The following SRRM2 variants were observed in gnomAD, a reference collection of about 807,000 sequenced individuals.
SRRM2 encodes serine/arginine repetitive matrix 2, also known as serine/arginine repetitive matrix protein 2.
In SRRM2, 30 loss-of-function variants were observed where a neutral mutation model predicts 213.8. The observed-to-expected ratio is 0.14, with a 90% CI of 0.10 to 0.19. The LOEUF is 0.19. SRRM2 is among the 10% of genes least tolerant of loss of function. The pLI is 1.00. For missense variants in SRRM2, 4,904 were observed against 3,647.0 expected (o/e 1.34, Z -8.88); for synonymous variants, 2,025 against 1,377.7 (o/e 1.47, Z -10.40).
rs749262477 is a variant in SRRM2, at chr16:2,767,746, G to T, written c.7218G>T (p.Arg2406Ser). The T allele has an allele frequency of 1.9e-6, 3 of 1,612,836 alleles. No homozygotes were observed. Among genetic ancestry groups the T allele is most frequent in the East Asian group, 4.5e-5 (2 of 44,858 alleles). Residue 2406 changes from arginine (R) to serine (S), a missense_variant, in exon 11 of 15, where the codon AGG (arginine) becomes AGT (serine). Arg to Ser is a moderately radical substitution (Grantham distance 110, BLOSUM62 -1). Transcript: ENST00000301740. ...CACCACCGCTCCTTGACCGAGCTAG[G>T]TCCAGAACACCACCGTCTGCCCCAA... ...RTSPPLLDRA[R>S]SRTPPSAPSQ...
At position 2,765,001 on chromosome 16, in the gene SRRM2, G is replaced by A; in HGVS notation, c.4473G>A (p.Gln1491=). 1 of 1,614,032 alleles carries A rather than the reference G, an allele frequency of 6.2e-7. No individual in the cohort carries two copies. Among genetic ancestry groups the A allele is most frequent in the Non-Finnish European group, 8.5e-7 (1 of 1,180,016 alleles). Residue 1491 remains glutamine, a synonymous_variant, in exon 11 of 15, where the codon CAG becomes CAA. Coordinates refer to ENST00000301740, the MANE Select transcript of SRRM2 (RefSeq NM_016333.4). ...CCCCAGAACCGAAAGCTTTGCCTCA[G>A]ACTCCTAGGCCGAGGAGTCGTTCTC... ...DSSPEPKALP[Q]TPRPRSRSPS...
chr16:2,764,645 G>A lies in SRRM2; in HGVS notation c.4117G>A (p.Glu1373Lys), dbSNP rs745417937. The A allele has an allele frequency of 6.2e-7, 1 of 1,613,992 alleles. No homozygotes were observed. The highest frequency in any genetic ancestry group is 8.5e-7 in the Non-Finnish European group (1 of 1,180,032). Residue 1373 changes from glutamate (E) to lysine (K), a missense_variant, in exon 11 of 15, where the codon GAA becomes AAA. Glu to Lys is a moderately conservative substitution (Grantham distance 56). Coordinates refer to ENST00000301740, the MANE Select transcript of SRRM2 (RefSeq NM_016333.4). ...AACAGATCCATCTCTAGACATGAAA[G>A]AACAATCGACAAGATCCTCTGGACA... ...LETDPSLDMKEQSTRSSGHSS... is the reference protein window; with the variant it reads ...LETDPSLDMKKQSTRSSGHSS...
In SRRM2 at chr16:2,763,884, G is replaced by T; in HGVS notation, c.3356G>T (p.Gly1119Val). The change falls in exon 11 of 15, where the codon GGT becomes GTT. Residue 1119 changes from glycine to valine, a missense_variant. By Grantham distance (109) the Gly-to-Val change is moderately radical. Transcript: ENST00000301740. Reference sequence around the variant, plus strand: ...AGATCTCCAATAAGACAAGATAGAGGTGAGTTCTCAGCGAGTCCTATGTTG... The same window carrying T: ...AGATCTCCAATAAGACAAGATAGAGTTGAGTTCTCAGCGAGTCCTATGTTG... ...ASRSPIRQDR[G>V]EFSASPMLKS... 1 of 1,614,192 alleles carries T rather than the reference G, an allele frequency of 6.2e-7. No individual in the cohort carries two copies. The highest frequency in any genetic ancestry group is 8.5e-7 in the Non-Finnish European group (1 of 1,180,032).
In SRRM2 at chr16:2,766,459, C is replaced by T. The variant is rs767100682; in HGVS notation, c.5931C>T (p.Ile1977=). 1.1e-5 allele frequency: 18 copies of T among 1,613,862 alleles called. No homozygotes were observed. The South Asian group carries it at 1.3e-4, about 12-fold the overall frequency. The change falls in exon 11 of 15, where the codon ATC becomes ATT. Residue 1977 remains isoleucine (I), a synonymous_variant. Transcript: ENST00000301740. This position sits in a 1 kb window ranked among gnomAD's most constrained non-coding sequence, Gnocchi z 7.0. ...GATCTCGAAGCAGAACTTCGCCTAT[C>T]ACTCGCAGAAGATCAAGATCCAGAA... ...RRRSRSRTSP[I]TRRRSRSRTS...
At position 2,764,980 on chromosome 16, in the gene SRRM2, A is replaced by G. The variant is rs1456121199; in HGVS notation, c.4452A>G (p.Pro1484=). The G allele has an allele frequency of 6.2e-7, 1 of 1,614,130 alleles. No individual in the cohort carries two copies. The change falls in exon 11 of 15, where the codon CCA becomes CCG. Residue 1484 remains proline (P), a synonymous_variant. Coordinates refer to ENST00000301740, the MANE Select transcript of SRRM2 (RefSeq NM_016333.4). ...SRGRSECDSS[P]EPKALPQTPR... ...GGAGAAGCGAATGTGATTCTTCCCC[A>G]GAACCGAAAGCTTTGCCTCAGACTC...
At chr16:2,758,962 C>A in intron 5 of SRRM2, 23 bp from the exon 6 acceptor site, 1 of 1,613,842 alleles carries the variant, frequency 6.2e-7, no homozygotes, top group South Asian at 1.1e-5. Flanking sequence ...GCAGGATGAG[C>A]TTGCTTTTGA....
At position 2,766,087 on chromosome 16, in the gene SRRM2, C is replaced by G. The variant is rs781484572; in HGVS notation, c.5559C>G (p.Arg1853=). Residue 1853 remains arginine (R), a synonymous_variant, in exon 11 of 15, where the codon CGC becomes CGG. Transcript: ENST00000301740. This position sits in a 1 kb window ranked among gnomAD's most constrained non-coding sequence, Gnocchi z 7.0. The part of the protein sequence containing the change: ...RTPPTSRKRS[R]SRTSPAPWKR... ...CCCCAACCAGTCGGAAGCGTTCTCGCTCACGCACATCACCAGCCCCGTGGA... is the reference window on the plus strand; with the variant it reads ...CCCCAACCAGTCGGAAGCGTTCTCGGTCACGCACATCACCAGCCCCGTGGA... 1.9e-6 allele frequency: 3 copies of G among 1,614,182 alleles called. No homozygotes were observed. Among genetic ancestry groups the G allele is most frequent in the Non-Finnish European group, 2.5e-6 (3 of 1,180,034 alleles).
intron 4 of SRRM2, among the ~76,000 whole-genome samples, 169 bp from the exon 5 acceptor site, chr16:2,758,301 G>T (rs550030588): frequency 3.3e-5 from 5 of 152,316 alleles, no homozygotes; most frequent in Admixed American, 3.3e-4. Flanking sequence ...CCCACAAGTT[G>T]GAGGTTACGG....
rs2068486087 is a variant in SRRM2 at position 2,764,901 on chromosome 16, G to T, written c.4373G>T (p.Ser1458Ile). ...GGGTCTGGGACTCCCTCGAGGCACA[G>T]CCTGTCTGGGTCCTCTCCTGGAATG... ...RDGSGTPSRHSLSGSSPGMKD... is the reference protein window; with the variant it reads ...RDGSGTPSRHILSGSSPGMKD... The change falls in exon 11 of 15, where the codon AGC becomes ATC. Residue 1458 changes from serine (S) to isoleucine (I), a missense_variant. Transcript: ENST00000301740. The T allele has an allele frequency of 1.2e-6, 2 of 1,614,214 alleles. No individual in the cohort carries two copies. The highest frequency in any genetic ancestry group is 2.2e-5 in the East Asian group (1 of 44,886).
chr16:2,769,454 G>C, intron 12 of SRRM2, 170 bp downstream of exon 12: 1 of 771,016 alleles, frequency 1.3e-6, no homozygotes, highest in South Asian at 1.8e-5. Context: ...CCCTGTTCTG[G>C]CGAAGGGCTG....
rs1567233562 is a variant in SRRM2, at chr16:2,764,140, C to T, written c.3612C>T (p.Asp1204=). The part of the protein sequence containing the change: ...DRPESSLVFK[D]TLRTPPRERS... ...CTGAGTCTTCACTGGTATTCAAAGA[C>T]ACACTTAGAACCCCGCCAAGGGAAA... The change falls in exon 11 of 15, where the codon GAC becomes GAT. Residue 1204 remains aspartate (D), a synonymous_variant. Transcript: ENST00000301740. 4 of 1,614,176 alleles carry T rather than the reference C, an allele frequency of 2.5e-6. No individual in the cohort carries two copies. The highest frequency in any genetic ancestry group is 3.4e-6 in the Non-Finnish European group (4 of 1,180,038).
rs1376447809 is a variant in SRRM2, at chr16:2,764,329, C to G, written c.3801C>G (p.Asn1267Lys). Residue 1267 changes from asparagine (N) to lysine (K), a missense_variant, in exon 11 of 15, where the codon AAC becomes AAG. Coordinates refer to ENST00000301740, the MANE Select transcript of SRRM2 (RefSeq NM_016333.4). ...AACTTAAAGAAATGTCCACAAGTAA[C>G]TTTGAATCATCTCCTGAAGTAGAAG... is the stretch of plus-strand genomic sequence containing the variant. ...SSELKEMSTSNFESSPEVEER... is the reference protein window; with the variant it reads ...SSELKEMSTSKFESSPEVEER... 1.9e-6 allele frequency: 3 copies of G among 1,614,194 alleles called. No homozygotes were observed. The highest frequency in any genetic ancestry group is 1.1e-5 in the South Asian group (1 of 91,074).
Position 2,762,816 on chromosome 16 carries a change from C to G in SRRM2, c.2288C>G (p.Ser763Cys). The G allele has an allele frequency of 6.2e-7, 1 of 1,614,184 alleles. No homozygotes were observed. Among genetic ancestry groups the G allele is most frequent in the Middle Eastern group, 1.6e-4 (1 of 6,062 alleles). The change falls in exon 11 of 15, where the codon TCT becomes TGT. Residue 763 changes from serine to cysteine, a missense_variant. Coordinates refer to ENST00000301740, the MANE Select transcript of SRRM2 (RefSeq NM_016333.4). The stretch of plus-strand genomic sequence containing the variant: ...TCTTCAAGGCGGAGCAGGTCTCTCT[C>G]TTCACCACGGTCCAAAGCAAAATCT... ...RISSRRSRSL[S>C]SPRSKAKSRL...
Position 2,762,657 on chromosome 16 carries a change from G to C in SRRM2, c.2129G>C (p.Arg710Pro), listed in dbSNP as rs763628582. 4 of 1,614,142 alleles carry C rather than the reference G, an allele frequency of 2.5e-6. No individual in the cohort carries two copies. The South Asian group carries it at 4.4e-5, about 18-fold the overall frequency. Reference protein sequence around the residue: ...GRSRSRSLVRRGRSHSRTPQR... With the variant: ...GRSRSRSLVRPGRSHSRTPQR... ...TCCCGCAGTAGAAGCTTAGTTAGACGTGGAAGATCTCACTCTAGAACACCT... is the reference window on the plus strand; with the variant it reads ...TCCCGCAGTAGAAGCTTAGTTAGACCTGGAAGATCTCACTCTAGAACACCT... Residue 710 changes from arginine (R) to proline (P), a missense_variant, in exon 11 of 15, where the codon CGT (arginine) becomes CCT (proline). Transcript: ENST00000301740.
intron 5 of SRRM2, chr16:2,758,777 ATTTTC>A: frequency 1.4e-6 from 1 of 695,280 alleles, no homozygotes; most frequent in South Asian, 2.0e-5. Flanking sequence ...GGATTCTGGA[ATTTTC>A]TTTTTCATTT....
rs538727516 is a variant in SRRM2, at chr16:2,756,463, G to A, written c.99G>A (p.Arg33=). Reference sequence around the variant, plus strand: ...TGGTGCGGGGCCGCCGGGGTGAGCGGCCTGACTACAAGGGAGAGGAGGAAC... The same window carrying A: ...TGGTGCGGGGCCGCCGGGGTGAGCGACCTGACTACAAGGGAGAGGAGGAAC... ...LSLVRGRRGE[R]PDYKGEEELR... The change falls in exon 2 of 15, where the codon CGG becomes CGA. Residue 33 remains arginine (R), a synonymous_variant. Coordinates refer to ENST00000301740, the MANE Select transcript of SRRM2 (RefSeq NM_016333.4). The A allele has an allele frequency of 1.2e-6, 2 of 1,613,574 alleles. No homozygotes were observed. Among genetic ancestry groups the A allele is most frequent in the Non-Finnish European group, 8.5e-7 (1 of 1,179,806 alleles).
rs767641625 is a variant in SRRM2 at position 2,771,356 on chromosome 16, A to T, written c.*489A>T. ...TTTCTTAAAGGCATTTTGGTTTTTT[A>T]AAATCTGTACAGCAAGAGCAACTTT... On this transcript the variant is annotated 3_prime_UTR_variant, in exon 15 of 15. Coordinates refer to ENST00000301740, the MANE Select transcript of SRRM2 (RefSeq NM_016333.4). The T allele has an allele frequency of 3.2e-6, 5 of 1,582,160 alleles. No homozygotes were observed. The highest frequency in any genetic ancestry group is 2.2e-5 in the East Asian group (1 of 44,746).
rs777342241 is a variant in SRRM2 at position 2,763,428 on chromosome 16, A to G, written c.2900A>G (p.Tyr967Cys). ...SNVESRLLPR[Y>C]SHSGSSSPDT... ...GTGGAATCCAGATTGTTGCCAAGAT[A>G]CAGTCATTCTGGGTCCTCCTCACCA... Residue 967 changes from tyrosine to cysteine, a missense_variant, in exon 11 of 15, where the codon TAC becomes TGC. Tyr to Cys is a radical substitution (Grantham distance 194). Coordinates refer to ENST00000301740, the MANE Select transcript of SRRM2 (RefSeq NM_016333.4). The G allele has an allele frequency of 5.0e-6, 8 of 1,614,232 alleles. No individual in the cohort carries two copies. Among genetic ancestry groups the G allele is most frequent in the Middle Eastern group, 1.6e-4 (1 of 6,062 alleles).
intron 5 of SRRM2, 67 bp downstream of exon 5, chr16:2,758,614 A>G: frequency 6.8e-7 from 1 of 1,481,478 alleles, no homozygotes. Flanking sequence ...TTCTCTCTGG[A>G]AGTGGACAGT....
Sources: allele counts gnomAD v4.1 joint callset (sites outside exome capture counted in the v4.1 genomes callset), GRCh38; gene constraint gnomAD v4.1.1; non-coding constraint Gnocchi (gnomAD v3.1); transcripts MANE v1.5; gene names NCBI Gene and HGNC (gene_info 2026-07-23, HGNC 2026-07-21).